The following FHIT variants were observed in gnomAD, a reference collection of about 807,000 sequenced individuals.
The protein encoded by FHIT is bis(5'-adenosyl)-triphosphatase.
In FHIT, 19 loss-of-function variants were observed where a neutral mutation model predicts 17.9. The observed-to-expected ratio is 1.06, with a 90% CI of 0.74 to 1.56. FHIT has a LOEUF of 1.56. Ranked by LOEUF, FHIT falls within the 40% of genes most tolerant of loss-of-function variation. The probability of loss-of-function intolerance (pLI) is 0.00; values close to 1 mark genes in which losing one functional copy is unlikely to be tolerated. For missense variants in FHIT, 248 were observed against 189.2 expected, an observed-to-expected ratio of 1.31 and a Z score of -1.82; for synonymous variants, 81 against 69.7, an observed-to-expected ratio of 1.16 and a Z score of -0.81.
chr3:60,680,984 A>ATCAAGGATATAATTTTTTTAAGTAC (rs2040733698), intron 4 of FHIT, among the ~76,000 whole-genome samples: 1 of 152,256 alleles, frequency 6.6e-6, no homozygotes, highest in Non-Finnish European at 1.5e-5. Flanking sequence ...TGTAGAAGTC[A>ATCAAGGATATAATTTTTTTAAGTAC]TCAAGGATAT....
chr3:60,920,969 G>A (rs1306364068), intron 3 of FHIT, among the ~76,000 whole-genome samples: 3 of 152,074 alleles, frequency 2.0e-5, no homozygotes, highest in African/African-American at 4.8e-5. Context: ...TGCCGCAGAC[G>A]ATTTCTCTGA....
chr3:60,252,814 C>T lies in FHIT; in HGVS notation c.104-238662G>A, dbSNP rs186941402. Among the ~76,000 whole-genome samples the T allele has an allele frequency of 2.1e-3, 313 of 146,224 alleles. 1 individual carries two copies. Among genetic ancestry groups the T allele is most frequent in the Non-Finnish European group, 3.7e-3 (248 of 67,010 alleles). ...GACCATCCTGGCTAACAAGGCGAAA[C>T]CCCTTCTCAACTTAAAAAAAAATAC... On this transcript the variant is annotated intron_variant, in intron 5 of 9. Coordinates refer to ENST00000492590, the MANE Select transcript of FHIT (RefSeq NM_002012.4).
At chr3:60,616,497 G>A (rs1435921428) in intron 4 of FHIT, among the ~76,000 whole-genome samples, 2 of 152,056 alleles carry the variant, frequency 1.3e-5, no homozygotes, top group African/African-American at 4.8e-5. Context: ...AAGCTTGTGG[G>A]ACAAAAGTTA....
At chr3:60,842,676 C>G (rs1197947248) in intron 3 of FHIT, among the ~76,000 whole-genome samples, 2 of 109,054 alleles carry the variant, frequency 1.8e-5, no homozygotes, top group African/African-American at 7.4e-5. Flanking sequence ...CCTTGCTAGG[C>G]AAAGGAGACA....
chr3:60,061,374 T>C (rs9879807), intron 5 of FHIT, among the ~76,000 whole-genome samples: 3 of 152,160 alleles, frequency 2.0e-5, no homozygotes, highest in African/African-American at 7.2e-5. Flanking sequence ...CCCTACAGTT[T>C]CCTCTCTGGT....
chr3:60,392,923 T>C (rs1701288129), intron 5 of FHIT, among the ~76,000 whole-genome samples: 1 of 152,102 alleles, frequency 6.6e-6, no homozygotes, highest in South Asian at 2.1e-4. Flanking sequence ...TGAGAGTCTT[T>C]CGGGAAAGGT....
chr3:60,018,225 T>A (rs1466237393), intron 5 of FHIT, among the ~76,000 whole-genome samples: 1 of 152,120 alleles, frequency 6.6e-6, no homozygotes, highest in Non-Finnish European at 1.5e-5. Context: ...CAGACCCTTT[T>A]CAACAACCAG....
At chr3:60,484,531 C>T (rs190590831) in intron 5 of FHIT, among the ~76,000 whole-genome samples, 82 of 152,294 alleles carry the variant, frequency 5.4e-4, no homozygotes, top group African/African-American at 1.9e-3. Context: ...CTATAACCAT[C>T]TGATCTTCAA....
In FHIT at chr3:60,536,877, T is replaced by G; in HGVS notation, c.86A>C (p.Lys29Thr). ...AAGGATACGTCCTGGTACCACAGGTTTCCTATTCACAAGAGCGAAGGACAG... is the reference window on the plus strand; with the variant it reads ...AAGGATACGTCCTGGTACCACAGGTGTCCTATTCACAAGAGCGAAGGACAG... The part of the protein sequence containing the change: ...TELSFALVNR[K>T]PVVPGHVLVC... The change falls in exon 5 of 10, where the codon AAA becomes ACA. Residue 29 changes from lysine (K) to threonine (T), a missense_variant. Lys to Thr is a moderately conservative substitution (Grantham distance 78). Coordinates refer to ENST00000492590, the MANE Select transcript of FHIT (RefSeq NM_002012.4). 1 of 1,608,858 alleles carries G rather than the reference T, an allele frequency of 6.2e-7. No individual in the cohort carries two copies. The highest frequency in any genetic ancestry group is 8.5e-7 in the Non-Finnish European group (1 of 1,178,016).
At chr3:59,859,287 C>A (rs1254594166) in intron 8 of FHIT, among the ~76,000 whole-genome samples, 1 of 152,040 alleles carries the variant, frequency 6.6e-6, no homozygotes, top group African/African-American at 2.4e-5. Context: ...GGAATTCCTG[C>A]CAAGATGGCA....
At chr3:59,999,209 G>C (rs532958525) in intron 7 of FHIT, among the ~76,000 whole-genome samples, 2 of 151,988 alleles carry the variant, frequency 1.3e-5, no homozygotes, top group Non-Finnish European at 2.9e-5. Context: ...TTTTAAAAAA[G>C]GGCAAGAAAT....
chr3:61,034,316 A>G (rs2033143499), intron 3 of FHIT, among the ~76,000 whole-genome samples: 1 of 152,200 alleles, frequency 6.6e-6, no homozygotes, highest in Non-Finnish European at 1.5e-5. Flanking sequence ...TATCAAAAAA[A>G]TGAAAAGACA....
chr3:60,344,419 T>C (rs570045293), intron 5 of FHIT, among the ~76,000 whole-genome samples: 1 of 152,304 alleles, frequency 6.6e-6, no homozygotes, highest in South Asian at 2.1e-4. Context: ...ATTTTCTCCA[T>C]ATTTCAACTG....
intron 5 of FHIT, among the ~76,000 whole-genome samples, chr3:60,226,913 A>G (rs1704235668): frequency 6.6e-6 from 1 of 152,190 alleles, no homozygotes; most frequent in Non-Finnish European, 1.5e-5. Flanking sequence ...TATCTACCTA[A>G]CGTAGTAAAT....
At chr3:60,667,320 G>A (rs1448695208) in intron 4 of FHIT, among the ~76,000 whole-genome samples, 1 of 151,772 alleles carries the variant, frequency 6.6e-6, no homozygotes, top group Non-Finnish European at 1.5e-5. Context: ...TGCTCTGATT[G>A]GGTGGATTCC....
chr3:60,555,079 C>G (rs1052621744), intron 4 of FHIT, among the ~76,000 whole-genome samples: 1 of 152,160 alleles, frequency 6.6e-6, no homozygotes, highest in Non-Finnish European at 1.5e-5. Context: ...TGTAAGAGAA[C>G]AAGTTTAGAA....
chr3:60,202,234 A>C (rs1202613402), intron 5 of FHIT, among the ~76,000 whole-genome samples: 1 of 152,184 alleles, frequency 6.6e-6, no homozygotes, highest in Non-Finnish European at 1.5e-5. Context: ...ACATTTACTT[A>C]CAAGAAAAAT....
At chr3:60,908,960 C>T (rs978685551) in intron 3 of FHIT, among the ~76,000 whole-genome samples, 9 of 152,160 alleles carry the variant, frequency 5.9e-5, no homozygotes, top group East Asian at 1.9e-4. Flanking sequence ...CAAATATTCT[C>T]ATTTTGGTAT....
intron 2 of FHIT, among the ~76,000 whole-genome samples, chr3:61,076,590 A>G (rs893113043): frequency 7.9e-5 from 12 of 152,200 alleles, no homozygotes; most frequent in African/African-American, 2.7e-4. Context: ...AAAGAATACA[A>G]TACATAAAAG....
Sources: gnomAD v4.1 joint callset for allele counts (sites outside exome capture counted in the v4.1 genomes callset) on GRCh38, gnomAD v4.1.1 for gene constraint, MANE v1.5 for transcripts, NCBI Gene and HGNC (gene_info 2026-07-23, HGNC 2026-07-21) for gene names.